MARCHF4: variants seen among roughly 807,000 people sequenced by gnomAD.
MARCHF4 encodes the protein membrane associated ring-CH-type finger 4, also known as E3 ubiquitin-protein ligase MARCHF4.
In MARCHF4, 14 loss-of-function variants were observed where a neutral mutation model predicts 43.9. The ratio of observed to expected loss-of-function variants is 0.32; its 90% CI spans 0.21 to 0.50. The LOEUF is 0.50. Ranked by LOEUF, MARCHF4 falls within the 20% of genes least tolerant of loss-of-function variation. The pLI is 0.98. For missense variants in MARCHF4, 468 were observed against 536.7 expected (o/e 0.87, Z 1.27); for synonymous variants, 226 against 213.3 (o/e 1.06, Z -0.52).
intron 1 of MARCHF4, among the ~76,000 whole-genome samples, chr2:216,323,979 GA>G (rs1235239718): frequency 6.6e-6 from 1 of 152,076 alleles, no homozygotes; most frequent in Non-Finnish European, 1.5e-5. Flanking sequence ...AGAACTGAAG[GA>G]AATAGACACA....
At chr2:216,274,702 T>C (rs1421298901) in intron 3 of MARCHF4, among the ~76,000 whole-genome samples, 1 of 152,202 alleles carries the variant, frequency 6.6e-6, no homozygotes, top group African/African-American at 2.4e-5. Flanking sequence ...TTTCTTCTCC[T>C]AGCATTTTCC....
chr2:216,362,772 G>T (rs756306603), intron 1 of MARCHF4, among the ~76,000 whole-genome samples: 4 of 152,146 alleles, frequency 2.6e-5, no homozygotes, highest in Non-Finnish European at 5.9e-5. Flanking sequence ...TCAGCCCTGG[G>T]TACACCTCAC....
At chr2:216,345,375 G>A (rs1214201806) in intron 1 of MARCHF4, among the ~76,000 whole-genome samples, 1 of 150,196 alleles carries the variant, frequency 6.7e-6, no homozygotes, top group African/African-American at 2.5e-5. Flanking sequence ...ATCTTGCCTC[G>A]AGGCTTTCCA....
At chr2:216,268,367 C>T (rs909650099) in intron 3 of MARCHF4, among the ~76,000 whole-genome samples, 1 of 152,204 alleles carries the variant, frequency 6.6e-6, no homozygotes, top group Non-Finnish European at 1.5e-5. Context: ...GAATTGTAAT[C>T]CCCGTGTATC....
At chr2:216,336,355 C>T (rs1042391166) in intron 1 of MARCHF4, among the ~76,000 whole-genome samples, 1 of 152,186 alleles carries the variant, frequency 6.6e-6, no homozygotes, top group Non-Finnish European at 1.5e-5. Flanking sequence ...AAAGCCCCAT[C>T]ATTTCAACAA....
intron 1 of MARCHF4, among the ~76,000 whole-genome samples, chr2:216,358,449 T>A (rs994035435): frequency 3.3e-5 from 5 of 152,188 alleles, no homozygotes; most frequent in African/African-American, 1.2e-4. Flanking sequence ...GCATCTGCTA[T>A]AGATAGAAGG....
At chr2:216,336,372 T>C (rs1285827484) in intron 1 of MARCHF4, among the ~76,000 whole-genome samples, 1 of 152,156 alleles carries the variant, frequency 6.6e-6, no homozygotes, top group Non-Finnish European at 1.5e-5. Context: ...ACAAACTGAG[T>C]AATCCGTAAT....
At chr2:216,315,685 T>C (rs952759960) in intron 1 of MARCHF4, among the ~76,000 whole-genome samples, 2 of 152,226 alleles carry the variant, frequency 1.3e-5, no homozygotes, top group African/African-American at 4.8e-5. Flanking sequence ...AAATACCATA[T>C]ATATGCATAG....
intron 1 of MARCHF4, among the ~76,000 whole-genome samples, chr2:216,309,265 G>A (rs893257807): frequency 2.0e-5 from 3 of 152,220 alleles, no homozygotes; most frequent in Non-Finnish European, 4.4e-5. Context: ...AACAGAATAA[G>A]ACAGGTGAAA....
At chr2:216,349,447 C>T (rs1327925359) in intron 1 of MARCHF4, among the ~76,000 whole-genome samples, 2 of 152,182 alleles carry the variant, frequency 1.3e-5, no homozygotes, top group Non-Finnish European at 2.9e-5. Context: ...GGAACAAGCT[C>T]CCTTGAGCTC....
chr2:216,327,351 C>T (rs912945392), intron 1 of MARCHF4, among the ~76,000 whole-genome samples: 1 of 151,894 alleles, frequency 6.6e-6, no homozygotes. Context: ...ATCTTCACCC[C>T]CCCACCACCA....
intron 1 of MARCHF4, among the ~76,000 whole-genome samples, chr2:216,361,491 G>A (rs1692578508): frequency 6.6e-6 from 1 of 152,140 alleles, no homozygotes. Flanking sequence ...GTCTGCCCCT[G>A]ACCTCTAGGT....
At chr2:216,272,082 T>C (rs750294485) in intron 3 of MARCHF4, among the ~76,000 whole-genome samples, 2 of 151,664 alleles carry the variant, frequency 1.3e-5, no homozygotes, top group Non-Finnish European at 2.9e-5. Flanking sequence ...TTGCCTAGGC[T>C]GTATCAAGCA....
chr2:216,279,221 C>A (rs1691084106), intron 2 of MARCHF4, among the ~76,000 whole-genome samples: 1 of 152,106 alleles, frequency 6.6e-6, no homozygotes, highest in Non-Finnish European at 1.5e-5. Context: ...CTGCTCCCGG[C>A]AGAGGGAAGA....
intron 2 of MARCHF4, among the ~76,000 whole-genome samples, chr2:216,278,646 GC>G (rs1220577626): frequency 6.6e-6 from 1 of 152,036 alleles, no homozygotes; most frequent in Non-Finnish European, 1.5e-5. Context: ...CACCTTGCAT[GC>G]CTCTTAATTT....
intron 1 of MARCHF4, among the ~76,000 whole-genome samples, chr2:216,354,920 T>TTTCTTTCTTTCTTTCTTTCTTTCTTTC (rs1692465995): frequency 8.6e-6 from 1 of 115,984 alleles, no homozygotes; most frequent in African/African-American, 3.5e-5. Flanking sequence ...TCTTTCTTTC[T>TTTCTTTCTTTCTTTCTTTCTTTCTTTC]TTCTTTCTTT....
intron 1 of MARCHF4, among the ~76,000 whole-genome samples, chr2:216,367,727 A>G (rs1466233872): frequency 2.0e-5 from 3 of 152,234 alleles, no homozygotes; most frequent in African/African-American, 7.2e-5. Context: ...ACCCCATCAA[A>G]ATAATGAACA....
chr2:216,370,405 G>C lies in MARCHF4; in HGVS notation c.-145C>G. On this transcript the variant is annotated 5_prime_UTR_variant, in exon 1 of 4. Transcript: ENST00000273067. ...GCTTTTCTTACAACCCCTCCAAGTAGCAAATAAATTGCTCCCAGGACTGAG... is the reference window on the plus strand; with the variant it reads ...GCTTTTCTTACAACCCCTCCAAGTACCAAATAAATTGCTCCCAGGACTGAG... 1 of 598,626 alleles carries C rather than the reference G, an allele frequency of 1.7e-6. No individual in the cohort carries two copies. The highest frequency in any genetic ancestry group is 2.8e-6 in the Non-Finnish European group (1 of 353,644). The allele number at this position is 598,626 out of a possible 1,614,324, so 37.1% of individuals were successfully genotyped here.
chr2:216,310,322 C>T (rs1378592299), intron 1 of MARCHF4, among the ~76,000 whole-genome samples: 1 of 152,122 alleles, frequency 6.6e-6, no homozygotes, highest in African/African-American at 2.4e-5. Flanking sequence ...AGTGCAGTGG[C>T]ATGATCATAG....
Sources: gnomAD v4.1 joint callset for allele counts (sites outside exome capture counted in the v4.1 genomes callset) on GRCh38, gnomAD v4.1.1 for gene constraint, MANE v1.5 for transcripts, NCBI Gene and HGNC (gene_info 2026-07-23, HGNC 2026-07-21) for gene names.